The following TMEM39B variants were observed in gnomAD, a reference collection of about 807,000 sequenced individuals.
The protein encoded by TMEM39B is transmembrane protein 39B.
Under a neutral mutation model 52.2 loss-of-function variants are expected in TMEM39B, and 23 were observed. The observed-to-expected ratio is 0.44, with a 90% CI of 0.32 to 0.62. TMEM39B has a LOEUF of 0.62. TMEM39B is among the 20% of genes least tolerant of loss of function. The pLI, the probability that TMEM39B is intolerant of heterozygous loss-of-function variation, is 0.06. For missense variants in TMEM39B, 547 were observed against 642.0 expected, an observed-to-expected ratio of 0.85 and a Z score of 1.60; for synonymous variants, 285 against 264.0, an observed-to-expected ratio of 1.08 and a Z score of -0.77.
Position 32,091,779 on chromosome 1 carries a change from T to G in TMEM39B, c.695T>G (p.Leu232Arg), listed in dbSNP as rs1302193331. The stretch of plus-strand genomic sequence containing the variant: ...GGGCCCCGGGAGGCGGTCAGTGGCC[T>G]GGCAAAGAGCCGGGACTACCTCCTG... ...SMGPREAVSG[L>R]AKSRDYLLTL... is the part of the protein sequence containing the mutation. The change falls in exon 6 of 9, where the codon CTG becomes CGG. Residue 232 changes from leucine (L) to arginine (R), a missense_variant. Leu to Arg is a moderately radical substitution (Grantham distance 102). Coordinates refer to ENST00000336294, the MANE Select transcript of TMEM39B (RefSeq NM_018056.4). The G allele has an allele frequency of 1.2e-6, 2 of 1,614,080 alleles. No homozygotes were observed. The highest frequency in any genetic ancestry group is 2.7e-5 in the African/African-American group (2 of 74,936).
intron 3 of TMEM39B, 40 bp from the exon 4 acceptor site, chr1:32,076,722 CA>C: frequency 6.2e-7 from 1 of 1,603,396 alleles, no homozygotes; most frequent in Non-Finnish European, 8.5e-7. Context: ...TGCATATGGG[CA>C]AGGGGCCCAC....
chr1:32,076,932 C>A, intron 4 of TMEM39B, 86 bp downstream of exon 4: 2 of 1,484,516 alleles, frequency 1.3e-6, no homozygotes, highest in Non-Finnish European at 1.9e-6. Flanking sequence ...AGCCCTTCAG[C>A]CTTAGGGTAT....
chr1:32,095,409 T>C (rs899857092), intron 7 of TMEM39B, among the ~76,000 whole-genome samples: 2 of 152,030 alleles, frequency 1.3e-5, no homozygotes, highest in Admixed American at 1.3e-4. Context: ...CCAGCGGAGA[T>C]AGAGGATTTT....
intron 8 of TMEM39B, 100 bp downstream of exon 8, chr1:32,100,662 T>C: frequency 6.6e-7 from 1 of 1,516,340 alleles, no homozygotes; most frequent in Non-Finnish European, 9.1e-7. Context: ...CTATTTTCAG[T>C]ATTTCCCCAA....
chr1:32,100,047 CAAAA>C (rs960210737), intron 7 of TMEM39B, among the ~76,000 whole-genome samples: 3 of 144,736 alleles, frequency 2.1e-5, no homozygotes, highest in African/African-American at 7.6e-5. Context: ...AACTCATTCT[CAAAA>C]AAAAAAGCCC....
chr1:32,098,439 G>T (rs1569950109), intron 7 of TMEM39B, among the ~76,000 whole-genome samples: 1 of 152,040 alleles, frequency 6.6e-6, no homozygotes, highest in Admixed American at 6.6e-5. Flanking sequence ...GACATTATAA[G>T]AAAGCTCACT....
At chr1:32,099,744 C>G (rs946582555) in intron 7 of TMEM39B, among the ~76,000 whole-genome samples, 1 of 152,054 alleles carries the variant, frequency 6.6e-6, no homozygotes, top group Non-Finnish European at 1.5e-5. Flanking sequence ...CACTAGGAAG[C>G]CTTCAAAAGG....
intron 5 of TMEM39B, among the ~76,000 whole-genome samples, chr1:32,081,602 G>A (rs1640103321): frequency 6.6e-6 from 1 of 151,982 alleles, no homozygotes; most frequent in South Asian, 2.1e-4. Context: ...ACAAAAATTA[G>A]CCAGGTGTGG....
At chr1:32,094,461 A>G (rs557332084) in intron 6 of TMEM39B, among the ~76,000 whole-genome samples, 2 of 152,286 alleles carry the variant, frequency 1.3e-5, no homozygotes, top group South Asian at 4.1e-4. Context: ...AGATGAGGAA[A>G]CTAAAGCACA....
In TMEM39B at chr1:32,094,180, G is replaced by T. The variant is rs139544858; in HGVS notation, c.928-604G>T. Reference sequence around the variant, plus strand: ...CTTGCTCTGTTGCCCAGGCTGGAGTGCAGTGTTGTGATCTTGGCTCACTGC... The same window carrying T: ...CTTGCTCTGTTGCCCAGGCTGGAGTTCAGTGTTGTGATCTTGGCTCACTGC... On this transcript the variant is annotated intron_variant, in intron 6 of 8. Coordinates refer to ENST00000336294, the MANE Select transcript of TMEM39B (RefSeq NM_018056.4). Among the ~76,000 whole-genome samples the T allele has an allele frequency of 9.9e-3, 1,102 of 111,228 alleles. 20 individuals are homozygous for T. The highest frequency in any genetic ancestry group is 0.036 in the African/African-American group (1,056 of 29,348). The allele number at this position is 111,228 out of a possible 152,430, so 73.0% of individuals were successfully genotyped here. A position where few individuals can be genotyped will look rare whatever the true frequency, so the allele number is the denominator to read the frequency against.
chr1:32,072,446 GAGA>G (rs1214895192), upstream of TMEM39B: 2 of 152,608 alleles, frequency 1.3e-5, no homozygotes, highest in African/African-American at 2.4e-5. Flanking sequence ...TGTTGACAAT[GAGA>G]ACGGTGAGTA....
Position 32,100,480 on chromosome 1 carries a change from T to C in TMEM39B, c.1154T>C (p.Val385Ala), listed in dbSNP as rs1640978214. The change falls in exon 8 of 9, where the codon GTG (valine) becomes GCG (alanine). Residue 385 changes from valine (V) to alanine (A), a missense_variant. Physicochemically the swap from Val to Ala is moderately conservative, Grantham distance 64 (BLOSUM62 0). Transcript: ENST00000336294. ...TGCATGTGGCCGCAGGGCGTGCTGG[T>C]GAAGCACAGCAAGAACGTCTACAAA... ...EECMWPQGVL[V>A]KHSKNVYKAV... The C allele has an allele frequency of 6.2e-7, 1 of 1,611,462 alleles. No individual in the cohort carries two copies. Among genetic ancestry groups the C allele is most frequent in the Non-Finnish European group, 8.5e-7 (1 of 1,178,672 alleles).
chr1:32,102,409 A>AT lies in TMEM39B; in HGVS notation c.1237-21dup, dbSNP rs1376361353. ...GATTTCTGGAGCACACCTTTTAGCC[A>AT]TGCCCACCCGCTTCCGGGCAGTTCT... On this transcript the variant is annotated intron_variant, in intron 8 of 8. Transcript: ENST00000336294. The AT allele has an allele frequency of 1.9e-6, 3 of 1,607,556 alleles. No individual in the cohort carries two copies. The African/African-American group carries it at 4.0e-5, about 22-fold the overall frequency.
intron 7 of TMEM39B, among the ~76,000 whole-genome samples, chr1:32,099,613 C>T (rs1026600390): frequency 1.3e-5 from 2 of 152,010 alleles, no homozygotes; most frequent in East Asian, 1.9e-4. Flanking sequence ...TAGGGAGAGA[C>T]GTGAAGCAGT....
At chr1:32,073,922 A>AT (rs1639746424) in intron 1 of TMEM39B, 6 of 978,006 alleles carry the variant, frequency 6.1e-6, no homozygotes, top group African/African-American at 3.5e-5. Flanking sequence ...ATGTATATAT[A>AT]TTTTTTAATA....
intron 4 of TMEM39B, 36 bp from the exon 5 acceptor site, chr1:32,077,128 C>T (rs1340497511): frequency 6.2e-7 from 1 of 1,611,042 alleles, no homozygotes; most frequent in Admixed American, 1.7e-5. Context: ...GGCCTCCATC[C>T]AAGGCCCCAT....
chr1:32,078,481 C>T, intron 5 of TMEM39B, among the ~76,000 whole-genome samples: 1 of 150,210 alleles, frequency 6.7e-6, no homozygotes, highest in East Asian at 1.9e-4. Context: ...GAGGTCCTGT[C>T]TTTAAAAAAA....
rs779276053 is a variant in TMEM39B at position 32,091,849 on chromosome 1, C to T, written c.765C>T (p.Gly255=). 1.1e-5 allele frequency: 18 copies of T among 1,614,124 alleles called. No homozygotes were observed. The South Asian group carries it at 1.8e-4, about 16-fold the overall frequency. The stretch of plus-strand genomic sequence containing the variant: ...AGCAGCACACAAGACAGCTGTATGG[C>T]CCGGACGCCATGCCCACCCATGCCT... ...TWKQHTRQLY[G]PDAMPTHACC... is the part of the protein sequence containing the mutation. Residue 255 remains glycine, a synonymous_variant, in exon 6 of 9, where the codon GGC becomes GGT. Coordinates refer to ENST00000336294, the MANE Select transcript of TMEM39B (RefSeq NM_018056.4).
At chr1:32,086,406 T>A (rs976676195) in intron 5 of TMEM39B, among the ~76,000 whole-genome samples, 2 of 152,068 alleles carry the variant, frequency 1.3e-5, no homozygotes, top group South Asian at 2.1e-4. Context: ...TGAAATAGGG[T>A]AGTCTGAGTT....
Sources: allele counts gnomAD v4.1 joint callset (sites outside exome capture counted in the v4.1 genomes callset), GRCh38; gene constraint gnomAD v4.1.1; transcripts MANE v1.5; gene names NCBI Gene and HGNC (gene_info 2026-07-23, HGNC 2026-07-21).